Variants in SASS6 observed in about 807,000 individuals in gnomAD.
SASS6 encodes the protein spindle assembly abnormal protein 6 homolog.
SASS6 carries 59 observed loss-of-function variants against 94.9 expected under a neutral mutation model. That is an observed-to-expected ratio of 0.62 (90% CI 0.50 to 0.77). The LOEUF (loss-of-function observed/expected upper bound fraction) is 0.77. Among genes scored for constraint, SASS6 ranks in the 30% least tolerant of loss-of-function variants. SASS6 has a pLI of 0.00. For missense variants in SASS6, 698 were observed against 734.1 expected, an observed-to-expected ratio of 0.95 and a Z score of 0.57; for synonymous variants, 264 against 270.0, an observed-to-expected ratio of 0.98 and a Z score of 0.22.
chr1:100,108,091 T>TA, intron 8 of SASS6, 87 bp from the exon 9 acceptor site: 26 of 702,878 alleles, frequency 3.7e-5, no homozygotes, highest in East Asian at 8.7e-5. Flanking sequence ...TCTAACATAT[T>TA]AAAAAAAAGT....
intron 1 of SASS6, among the ~76,000 whole-genome samples, chr1:100,131,060 G>A (rs928507303): frequency 6.6e-6 from 1 of 152,104 alleles, no homozygotes; most frequent in Non-Finnish European, 1.5e-5. Context: ...GACCATCTAG[G>A]AGTTTCCATA....
intron 12 of SASS6, among the ~76,000 whole-genome samples, chr1:100,106,215 C>A (rs1046263835): frequency 2.0e-5 from 3 of 151,978 alleles, no homozygotes; most frequent in South Asian, 2.1e-4. Context: ...ATGTATGATA[C>A]CCAGTAGTAT....
intron 2 of SASS6, among the ~76,000 whole-genome samples, chr1:100,124,565 A>G (rs1006085046): frequency 2.6e-5 from 4 of 152,124 alleles, no homozygotes; most frequent in African/African-American, 9.7e-5. Context: ...ATTTTTTTGT[A>G]GAGATGGGAT....
chr1:100,124,887 C>G (rs1654459038), intron 2 of SASS6, among the ~76,000 whole-genome samples: 1 of 152,156 alleles, frequency 6.6e-6, no homozygotes, highest in African/African-American at 2.4e-5. Flanking sequence ...AGGGTTTGCA[C>G]TCCTATGAGA....
intron 2 of SASS6, among the ~76,000 whole-genome samples, chr1:100,125,361 C>CA (rs1385575282): frequency 6.6e-6 from 1 of 151,022 alleles, no homozygotes; most frequent in Non-Finnish European, 1.5e-5. Context: ...CACCCCACCC[C>CA]ACAATTTTTC....
At chr1:100,125,842 T>G (rs746467382) in intron 2 of SASS6, 40 bp downstream of exon 2, 1 of 955,128 alleles carries the variant, frequency 1.0e-6, no homozygotes, top group Admixed American at 2.0e-5. Flanking sequence ...TTGTCTACAA[T>G]GTACCGAAAT....
chr1:100,132,139 G>T (rs1267867478), intron 1 of SASS6, among the ~76,000 whole-genome samples: 1 of 152,132 alleles, frequency 6.6e-6, no homozygotes, highest in Non-Finnish European at 1.5e-5. Flanking sequence ...CCTGACCACT[G>T]TATTCCCAGT....
At chr1:100,109,266 T>G (rs1310358894) in intron 8 of SASS6, among the ~76,000 whole-genome samples, 1 of 152,104 alleles carries the variant, frequency 6.6e-6, no homozygotes, top group Non-Finnish European at 1.5e-5. Flanking sequence ...ACAAAATTGG[T>G]CAGGCTTTAG....
intron 7 of SASS6, among the ~76,000 whole-genome samples, chr1:100,114,010 AT>A (rs761214954): frequency 2.6e-5 from 4 of 152,020 alleles, no homozygotes; most frequent in African/African-American, 4.8e-5. Context: ...ATAAAAAAAA[AT>A]AATAAATTTT....
chr1:100,125,987 A>G, intron 1 of SASS6, 45 bp from the exon 2 acceptor site: 1 of 967,820 alleles, frequency 1.0e-6, no homozygotes. Context: ...TTCACACGAA[A>G]TGAGTTATCA....
At chr1:100,099,405 T>A (rs1652310647) in intron 14 of SASS6, 1 of 153,510 alleles carries the variant, frequency 6.5e-6, no homozygotes, top group Non-Finnish European at 1.5e-5. Flanking sequence ...AAAAGAGACC[T>A]TACAGTAATT....
intron 1 of SASS6, 90 bp from the exon 2 acceptor site, chr1:100,126,032 C>G: frequency 1.5e-6 from 1 of 664,468 alleles, no homozygotes; most frequent in Non-Finnish European, 2.6e-6. Context: ...TCTTAAGTGA[C>G]AAGACTTTCC....
At chr1:100,089,103 CATAAA>C (rs1273223031) in intron 14 of SASS6, among the ~76,000 whole-genome samples, 9 of 151,920 alleles carry the variant, frequency 5.9e-5, no homozygotes, top group African/African-American at 1.9e-4. Flanking sequence ...AAATTCCAGA[CATAAA>C]ATAGTCAATA....
intron 14 of SASS6, among the ~76,000 whole-genome samples, chr1:100,097,888 A>T (rs1203556437): frequency 6.6e-6 from 1 of 152,212 alleles, no homozygotes; most frequent in Non-Finnish European, 1.5e-5. Context: ...TACTCATATG[A>T]AACTTGGAAA....
intron 8 of SASS6, among the ~76,000 whole-genome samples, chr1:100,109,706 C>A (rs1397985508): frequency 6.6e-6 from 1 of 152,028 alleles, no homozygotes; most frequent in East Asian, 1.9e-4. Context: ...CACTCCTTGA[C>A]TATGTGACCT....
rs1395213802 is a variant in SASS6 at position 100,083,907 on chromosome 1, A to G, written c.*1421T>C. 4 of 149,842 alleles carry G rather than the reference A, an allele frequency of 2.7e-5. No homozygotes were observed. In the East Asian group the frequency reaches 7.7e-4, roughly 29 times the overall value. 9.3% of individuals were successfully genotyped at this position (149,842 alleles called of 1,614,324 possible). A position where few individuals can be genotyped will look rare whatever the true frequency, so the allele number is the denominator to read the frequency against. On this transcript the variant is annotated 3_prime_UTR_variant, in exon 17 of 17. Coordinates refer to ENST00000287482, the MANE Select transcript of SASS6 (RefSeq NM_194292.3). ...ATATATTACATAGTATTTACAACAA[A>G]GCCCCTTCCATAGTATTTACAATAA...
intron 14 of SASS6, among the ~76,000 whole-genome samples, chr1:100,101,103 C>T (rs1488697187): frequency 6.6e-6 from 1 of 152,156 alleles, no homozygotes; most frequent in Non-Finnish European, 1.5e-5. Flanking sequence ...AAAATTATCA[C>T]TCCATTTTAT....
Position 100,123,303 on chromosome 1 carries a change from T to G in SASS6, c.127-14A>C, listed in dbSNP as rs574124044. On this transcript the variant is annotated splice_polypyrimidine_tract_variant and intron_variant, in intron 2 of 16. Coordinates refer to ENST00000287482, the MANE Select transcript of SASS6 (RefSeq NM_194292.3). ...AATAACTAAGTCCTAAAAGAAAGTT[T>G]GTTGTTTTTAAATGTTTTTACTAGA... 12 of 1,429,122 alleles carry G rather than the reference T, an allele frequency of 8.4e-6. 1 individual carries two copies. The Admixed American group carries it at 2.4e-4, about 29-fold the overall frequency. The allele number at this position is 1,429,122 out of a possible 1,614,324, so 88.5% of individuals were successfully genotyped here.
At chr1:100,111,973 G>T (rs1653370011) in intron 7 of SASS6, among the ~76,000 whole-genome samples, 2 of 151,986 alleles carry the variant, frequency 1.3e-5, no homozygotes, top group South Asian at 4.1e-4. Context: ...GAACCTTGGA[G>T]ATTTTTGTTT....
Sources: allele counts gnomAD v4.1 joint callset (sites outside exome capture counted in the v4.1 genomes callset), GRCh38; gene constraint gnomAD v4.1.1; transcripts MANE v1.5; gene names NCBI Gene and HGNC (gene_info 2026-07-23, HGNC 2026-07-21).